Variants in RPL30 observed in about 807,000 individuals in gnomAD.
RPL30 encodes the protein large ribosomal subunit protein eL30.
For missense variants in RPL30, 60 were observed against 138.0 expected (o/e 0.43, Z 2.83); for synonymous variants, 40 against 50.4 (o/e 0.79, Z 0.87).
intron 4 of RPL30, chr8:98,042,409 C>G: frequency 2.1e-6 from 1 of 469,166 alleles, no homozygotes; most frequent in Non-Finnish European, 3.8e-6. Flanking sequence ...ATAGGTACTT[C>G]ATCAAATGAA....
rs76568252 is a variant in RPL30 at position 98,042,105 on chromosome 8, A to G, written c.299-255T>C. ...AAATTGGTTTATCACCAGCATTTATAAAACCAGACCTAGGGAAAGAACTAG... is the reference window on the plus strand; with the variant it reads ...AAATTGGTTTATCACCAGCATTTATGAAACCAGACCTAGGGAAAGAACTAG... On this transcript the variant is annotated intron_variant, in intron 4 of 4. Coordinates refer to ENST00000287038, the MANE Select transcript of RPL30 (RefSeq NM_000989.4). The G allele has an allele frequency of 2.9e-3, 1,899 of 652,574 alleles. 33 individuals are homozygous for G. The African/African-American group carries it at 0.03, about 10-fold the overall frequency. 40.4% of individuals were successfully genotyped at this position (652,574 alleles called of 1,614,324 possible). A position where few individuals can be genotyped will look rare whatever the true frequency, so the allele number is the denominator to read the frequency against.
rs1024784329 is a variant in RPL30, at chr8:98,042,187, T to C, written c.299-337A>G. 8.8e-6 allele frequency: 5 copies of C among 568,060 alleles called. No individual in the cohort carries two copies. In the African/African-American group the frequency reaches 9.2e-5, roughly 11 times the overall value. 35.2% of individuals were successfully genotyped at this position (568,060 alleles called of 1,614,324 possible). On this transcript the variant is annotated intron_variant, in intron 4 of 4. Transcript: ENST00000287038. ...CGAATGTTTAGCCTGTCCTGACTATTACAAAATCAGAACAGCGAGAATATT... is the reference window on the plus strand; with the variant it reads ...CGAATGTTTAGCCTGTCCTGACTATCACAAAATCAGAACAGCGAGAATATT...
At chr8:98,044,719 C>CCA (rs927841157) in intron 3 of RPL30, 22 of 521,740 alleles carry the variant, frequency 4.2e-5, no homozygotes, top group South Asian at 8.4e-5. Flanking sequence ...TTCACTCCTG[C>CCA]CACACACACA....
At position 98,042,392 on chromosome 8, in the gene RPL30, T is replaced by G; in HGVS notation, c.298+253A>C. ...TTCACCTTTTACCAAATCTATGTCA[T>G]TATTTCATAGGTACTTCATCAAATG... On this transcript the variant is annotated intron_variant, in intron 4 of 4. Transcript: ENST00000287038. 4.5e-6 allele frequency: 2 copies of G among 448,936 alleles called. 1 individual carries two copies. The allele number at this position is 448,936 out of a possible 1,614,324, so 27.8% of individuals were successfully genotyped here.
intron 1 of RPL30, 41 bp from the exon 2 acceptor site, chr8:98,045,440 G>C (rs1814459129): frequency 6.3e-7 from 1 of 1,597,294 alleles, no homozygotes; most frequent in East Asian, 2.2e-5. Flanking sequence ...TTAGGATCCG[G>C]AGTTACAAAT....
rs1814381764 is a variant in RPL30, at chr8:98,041,865, T to C, written c.299-15A>G. 6.4e-7 allele frequency: 1 copy of C among 1,558,786 alleles called. No homozygotes were observed. Among genetic ancestry groups the C allele is most frequent in the Non-Finnish European group, 8.8e-7 (1 of 1,142,298 alleles). ...GTCAGAGTCACCTAAAAAATAAAAA[T>C]AAAAAAACAGTAATTTTACAATTCA... On this transcript the variant is annotated splice_polypyrimidine_tract_variant and intron_variant, in intron 4 of 4. Coordinates refer to ENST00000287038, the MANE Select transcript of RPL30 (RefSeq NM_000989.4).
At chr8:98,042,415 A>G (rs1176841993) in intron 4 of RPL30, 2 of 479,454 alleles carry the variant, frequency 4.2e-6, no homozygotes, top group Non-Finnish European at 3.7e-6. Context: ...ACTTCATCAA[A>G]TGAAATTCAT....
intron 3 of RPL30, chr8:98,043,782 C>T (rs1431083403): frequency 6.6e-6 from 1 of 152,048 alleles, no homozygotes; most frequent in East Asian, 1.9e-4. Flanking sequence ...TTATGTGAAT[C>T]CACATACCAG....
chr8:98,041,942 G>A lies in RPL30; in HGVS notation c.299-92C>T, dbSNP rs536581333. ...TTCTCTACCTTTGGTTATCCCTTCT[G>A]TAGACAATGGTCTGCAAATTAGCAC... On this transcript the variant is annotated intron_variant, in intron 4 of 4. Transcript: ENST00000287038. 3.6e-5 allele frequency: 33 copies of A among 923,884 alleles called. No homozygotes were observed. The East Asian group carries it at 7.2e-4, about 20-fold the overall frequency. 57.2% of individuals were successfully genotyped at this position (923,884 alleles called of 1,614,324 possible).
chr8:98,044,751 C>G lies in RPL30; in HGVS notation c.167+192G>C, dbSNP rs1460920772. The G allele has an allele frequency of 1.0e-5, 6 of 575,672 alleles. No individual in the cohort carries two copies. In the East Asian group the frequency reaches 1.5e-4, roughly 14 times the overall value. 35.7% of individuals were successfully genotyped at this position (575,672 alleles called of 1,614,324 possible). On this transcript the variant is annotated intron_variant, in intron 3 of 4. Coordinates refer to ENST00000287038, the MANE Select transcript of RPL30 (RefSeq NM_000989.4). ...CACACATTTCTCCTCCAAAAATAAG[C>G]TCACAGAAGGGGAGCACACGATTTG...
rs189119988 is a variant in RPL30, at chr8:98,044,523, T to G, written c.167+420A>C. The G allele has an allele frequency of 3.0e-3, 508 of 171,090 alleles. 4 individuals are homozygous for G. Among genetic ancestry groups the G allele is most frequent in the African/African-American group, 0.011 (480 of 41,902 alleles). 10.6% of individuals were successfully genotyped at this position (171,090 alleles called of 1,614,324 possible). ...TAGCGGGCTAAACTAGGTGATTCTA[T>G]GATAGCCTGCAACTCCATAGCCCAG... is the stretch of plus-strand genomic sequence containing the variant. On this transcript the variant is annotated intron_variant, in intron 3 of 4. Transcript: ENST00000287038.
intron 4 of RPL30, 138 bp downstream of exon 4, chr8:98,042,507 A>G: frequency 1.2e-6 from 1 of 806,476 alleles, no homozygotes; most frequent in South Asian, 1.7e-5. Flanking sequence ...ACAAAATACA[A>G]CTACACGATA....
chr8:98,045,249 G>A (rs908071586), intron 2 of RPL30, 98 bp downstream of exon 2: 4 of 1,575,070 alleles, frequency 2.5e-6, no homozygotes, highest in Non-Finnish European at 3.5e-6. Context: ...CCAAATGCCA[G>A]CAGGCATGCT....
At position 98,045,101 on chromosome 8, in the gene RPL30, C is replaced by T; in HGVS notation, c.22-13G>A. ...CCAGCGACTTTTTCTACAAAGCAAA[C>T]ATTAAATACGGACCTAAGGGCCTCG... On this transcript the variant is annotated splice_polypyrimidine_tract_variant and intron_variant, in intron 2 of 4. Coordinates refer to ENST00000287038, the MANE Select transcript of RPL30 (RefSeq NM_000989.4). 6.2e-7 allele frequency: 1 copy of T among 1,612,450 alleles called. No individual in the cohort carries two copies. The highest frequency in any genetic ancestry group is 8.5e-7 in the Non-Finnish European group (1 of 1,179,192).
Position 98,045,527 on chromosome 8 carries a change from G to A in RPL30, c.-52C>T. On this transcript the variant is annotated 5_prime_UTR_variant, in exon 1 of 5. Coordinates refer to ENST00000287038, the MANE Select transcript of RPL30 (RefSeq NM_000989.4). ...ACTCACCAACAGCAGCCGCTAAGATGGCCGGGGAACGAGAAAGGAAAGACT... is the reference window on the plus strand; with the variant it reads ...ACTCACCAACAGCAGCCGCTAAGATAGCCGGGGAACGAGAAAGGAAAGACT... 2.9e-6 allele frequency: 2 copies of A among 687,602 alleles called. No individual in the cohort carries two copies. Among genetic ancestry groups the A allele is most frequent in the Non-Finnish European group, 5.1e-6 (2 of 394,148 alleles). The allele number at this position is 687,602 out of a possible 1,614,324, so 42.6% of individuals were successfully genotyped here.
intron 4 of RPL30, 115 bp from the exon 5 acceptor site, chr8:98,041,965 C>A (rs1295398586): frequency 8.6e-6 from 7 of 813,508 alleles, no homozygotes; most frequent in Non-Finnish European, 1.4e-5. Context: ...TGCAAATTAG[C>A]ACTGACTTTT....
chr8:98,044,228 A>T (rs1385022811), intron 3 of RPL30: 1 of 152,286 alleles, frequency 6.6e-6, no homozygotes, highest in Non-Finnish European at 1.5e-5. Flanking sequence ...CAGAAGCACT[A>T]CTATAGAAGA....
chr8:98,042,893 C>T lies in RPL30; in HGVS notation c.168-118G>A, dbSNP rs1053596352. The T allele has an allele frequency of 7.8e-6, 7 of 896,768 alleles. No homozygotes were observed. The African/African-American group carries it at 1.2e-4, about 15-fold the overall frequency. The allele number at this position is 896,768 out of a possible 1,614,324, so 55.6% of individuals were successfully genotyped here. On this transcript the variant is annotated intron_variant, in intron 3 of 4. Transcript: ENST00000287038. The stretch of plus-strand genomic sequence containing the variant: ...TAAGGCCTTCAAAAAGTAACAAAAT[C>T]ACATATTACTCTTAAAAACATCATA...
intron 3 of RPL30, chr8:98,043,732 T>C (rs1031853801): frequency 6.6e-6 from 1 of 151,936 alleles, no homozygotes; most frequent in Admixed American, 6.6e-5. Context: ...CTAATGGTTT[T>C]AGGAATCGGA....
Sources: allele counts gnomAD v4.1 joint callset, GRCh38; gene constraint gnomAD v4.1.1; transcripts MANE v1.5; gene names NCBI Gene and HGNC (gene_info 2026-07-23, HGNC 2026-07-21).